The following COQ2 variants were observed in gnomAD, a reference collection of about 807,000 sequenced individuals.
COQ2 encodes the protein 4-hydroxybenzoate polyprenyltransferase, mitochondrial.
A neutral mutation model predicts 35.7 loss-of-function variants in COQ2; 25 were observed. That is an observed-to-expected ratio of 0.70 (90% CI 0.51 to 0.98). The LOEUF is 0.98. Ranked by LOEUF, COQ2 falls within the 50% of genes least tolerant of loss-of-function variation. The pLI, the probability that COQ2 is intolerant of heterozygous loss-of-function variation, is 0.00. For missense variants in COQ2, 488 were observed against 473.5 expected (o/e 1.03, Z -0.28); for synonymous variants, 206 against 186.2 (o/e 1.11, Z -0.86).
Position 83,268,397 on chromosome 4 carries a change from T to A in COQ2, c.763-623A>T, listed in dbSNP as rs549358577. On this transcript the variant is annotated intron_variant, in intron 5 of 6. Transcript: ENST00000647002. ...AAGTTTACTTGTAAGCATCTCCATA[T>A]ACTGTTGTAAATAATGATGGTCACG... 3.3e-5 allele frequency among the ~76,000 whole-genome samples: 5 copies of A among 152,318 alleles called. No homozygotes were observed. In the East Asian group the frequency reaches 9.6e-4, roughly 29 times the overall value.
In COQ2 at chr4:83,284,581, C is replaced by A. The variant is rs1030328534; in HGVS notation, c.184G>T (p.Ala62Ser). 5.8e-6 allele frequency: 9 copies of A among 1,549,788 alleles called. No homozygotes were observed. The highest frequency in any genetic ancestry group is 1.7e-4 in the Middle Eastern group (1 of 5,786). Residue 62 changes from alanine to serine, a missense_variant, in exon 1 of 7, where the codon GCG becomes TCG. Physicochemically the swap from Ala to Ser is moderately conservative, Grantham distance 99. Coordinates refer to ENST00000647002, the MANE Select transcript of COQ2 (RefSeq NM_001358921.2). Reference protein sequence around the residue: ...RGRQLSLSAAAVVDSAPRPLQ... With the variant: ...RGRQLSLSAASVVDSAPRPLQ... ...GGGCGGGGCGCAGAGTCCACCACCG[C>A]CGCCGCGGACAAACTGAGCTGGCGC...
At chr4:83,267,958 A>G (rs1439568903) in intron 5 of COQ2, among the ~76,000 whole-genome samples, 184 bp from the exon 6 acceptor site, 1 of 152,216 alleles carries the variant, frequency 6.6e-6, no homozygotes, top group Non-Finnish European at 1.5e-5. Flanking sequence ...ATAAGCGGTG[A>G]AAGATGACAG....
rs181543680 is a variant in COQ2 at position 83,282,647 on chromosome 4, T to C, written c.253+1865A>G. On this transcript the variant is annotated intron_variant, in intron 1 of 6. Transcript: ENST00000647002. ...ATAATGGCTATTTCTTCAGCACATA[T>C]TATGACAGGCACTGTTCTAAGCACT... 3.0e-4 allele frequency: 123 copies of C among 408,832 alleles called. No individual in the cohort carries two copies. The Middle Eastern group carries it at 8.6e-3, about 29-fold the overall frequency. The allele number at this position is 408,832 out of a possible 1,614,324, so 25.3% of individuals were successfully genotyped here. A position where few individuals can be genotyped will look rare whatever the true frequency, so the allele number is the denominator to read the frequency against.
intron 1 of COQ2, chr4:83,282,427 CCT>C (rs1251236580): frequency 6.5e-6 from 1 of 152,830 alleles, no homozygotes; most frequent in African/African-American, 2.4e-5. Context: ...GAATTCTACT[CCT>C]GTCAATTATT....
upstream of COQ2, chr4:83,284,834 A>G (rs769189651): frequency 2.6e-6 from 4 of 1,559,102 alleles, no homozygotes; most frequent in Non-Finnish European, 3.4e-6. Context: ...TGGCACCCGC[A>G]GGATGCAATC....
At chr4:83,272,968 T>C (rs1435301042) in intron 3 of COQ2, among the ~76,000 whole-genome samples, 1 of 152,214 alleles carries the variant, frequency 6.6e-6, no homozygotes. Context: ...TTCTCTCGCA[T>C]TGAAGCACTT....
At chr4:83,284,030 G>T in intron 1 of COQ2, 1 of 985,426 alleles carries the variant, frequency 1.0e-6, no homozygotes, top group Non-Finnish European at 1.2e-6. Flanking sequence ...GCTCTGACGA[G>T]GAGCCTTAGT....
At chr4:83,267,203 C>T (rs375655596) in intron 6 of COQ2, 3 of 453,302 alleles carry the variant, frequency 6.6e-6, no homozygotes, top group East Asian at 1.4e-4. Context: ...TCTCAAGACC[C>T]CATTTCTACA....
At chr4:83,272,194 A>G (rs749014223) in intron 3 of COQ2, 22 bp from the exon 4 acceptor site, 13 of 1,530,238 alleles carry the variant, frequency 8.5e-6, no homozygotes, top group Non-Finnish European at 1.1e-5. Flanking sequence ...AAAAACCATT[A>G]AAGTGATTAT....
intron 4 of COQ2, among the ~76,000 whole-genome samples, chr4:83,270,434 T>C (rs1735022771): frequency 6.6e-6 from 1 of 152,098 alleles, no homozygotes; most frequent in African/African-American, 2.4e-5. Context: ...CGAACACTGA[T>C]CTATTCCACA....
At chr4:83,273,661 A>G (rs1367834451) in intron 2 of COQ2, 44 bp from the exon 3 acceptor site, 5 of 1,586,482 alleles carry the variant, frequency 3.2e-6, no homozygotes, top group Middle Eastern at 1.7e-4. Flanking sequence ...GTAATGACTC[A>G]ATCATTTATT....
rs1256945885 is a variant in COQ2 at position 83,263,850 on chromosome 4, T to C, written c.*349A>G. 6.4e-6 allele frequency: 1 copy of C among 156,550 alleles called. No homozygotes were observed. The highest frequency in any genetic ancestry group is 1.4e-5 in the Non-Finnish European group (1 of 71,402). 9.7% of individuals were successfully genotyped at this position (156,550 alleles called of 1,614,324 possible). A position where few individuals can be genotyped will look rare whatever the true frequency, so the allele number is the denominator to read the frequency against. On this transcript the variant is annotated 3_prime_UTR_variant, in exon 7 of 7. Transcript: ENST00000647002. ...TCCCATAGTTGCTTTTATTTTTCCCTAAAAAAAAGAGTCCATTTTCTTATA... is the reference window on the plus strand; with the variant it reads ...TCCCATAGTTGCTTTTATTTTTCCCCAAAAAAAAGAGTCCATTTTCTTATA...
intron 4 of COQ2, among the ~76,000 whole-genome samples, chr4:83,271,571 G>C (rs1250347913): frequency 6.6e-6 from 1 of 152,146 alleles, no homozygotes; most frequent in African/African-American, 2.4e-5. Context: ...CCAGCACTTT[G>C]GGAAGCCAAG....
chr4:83,270,943 T>G (rs1266345927), intron 4 of COQ2, among the ~76,000 whole-genome samples: 1 of 152,190 alleles, frequency 6.6e-6, no homozygotes, highest in Non-Finnish European at 1.5e-5. Context: ...ATTTCAAATT[T>G]AATAAAGAGA....
At chr4:83,268,090 A>T (rs1169160905) in intron 5 of COQ2, among the ~76,000 whole-genome samples, 1 of 152,144 alleles carries the variant, frequency 6.6e-6, no homozygotes. Context: ...TCCTATAATG[A>T]CTCTTAACCA....
chr4:83,283,663 C>T, intron 1 of COQ2: 1 of 985,448 alleles, frequency 1.0e-6, no homozygotes, highest in Non-Finnish European at 1.2e-6. Context: ...ACCAGAGTTC[C>T]TTGAAAGCAA....
At chr4:83,284,101 G>C (rs1735392917) in intron 1 of COQ2, 1 of 985,298 alleles carries the variant, frequency 1.0e-6, no homozygotes, top group African/African-American at 1.7e-5. Context: ...ATTGCGGGGA[G>C]GATCAAACAT....
chr4:83,264,369 A>C lies in COQ2; in HGVS notation c.952-6T>G, dbSNP rs755298095. The C allele has an allele frequency of 6.3e-7, 1 of 1,592,602 alleles. No individual in the cohort carries two copies. The highest frequency in any genetic ancestry group is 8.5e-7 in the Non-Finnish European group (1 of 1,172,760). ...TGGATGTCTAGAGTGTAAATCTGCA[A>C]GAGAGGAATACAAAGTTGTATTAAT... On this transcript the variant is annotated splice_polypyrimidine_tract_variant and splice_region_variant and intron_variant, in intron 6 of 6. Coordinates refer to ENST00000647002, the MANE Select transcript of COQ2 (RefSeq NM_001358921.2).
rs753226684 is a variant in COQ2 at position 83,284,702 on chromosome 4, C to T, written c.63G>A (p.Leu21=). ...RGLRAVALAW[L]PGWRGRSFAL... ...CGAAGGAGCGGCCCCGCCAGCCCGG[C>T]AGCCACGCCAGTGCCACAGCCCGCA... Residue 21 remains leucine (L), a synonymous_variant, in exon 1 of 7, where the codon CTG becomes CTA. Coordinates refer to ENST00000647002, the MANE Select transcript of COQ2 (RefSeq NM_001358921.2). The T allele has an allele frequency of 1.3e-6, 2 of 1,485,228 alleles. No individual in the cohort carries two copies. The allele number at this position is 1,485,228 out of a possible 1,614,324, so 92.0% of individuals were successfully genotyped here. A position where few individuals can be genotyped will look rare whatever the true frequency, so the allele number is the denominator to read the frequency against.
Sources: allele counts gnomAD v4.1 joint callset (sites outside exome capture counted in the v4.1 genomes callset), GRCh38; gene constraint gnomAD v4.1.1; transcripts MANE v1.5; gene names NCBI Gene and HGNC (gene_info 2026-07-23, HGNC 2026-07-21).